The following SGCZ variants were observed in gnomAD, a reference collection of about 807,000 sequenced individuals.
SGCZ encodes the protein zeta-sarcoglycan.
A neutral mutation model predicts 41.3 loss-of-function variants in SGCZ; 40 were observed. The ratio of observed to expected loss-of-function variants is 0.97; its 90% CI spans 0.75 to 1.26. The LOEUF is 1.26. SGCZ is among the 50% of genes most tolerant of loss of function. The pLI is 0.00. For missense variants in SGCZ, 552 were observed against 369.8 expected (o/e 1.49, Z -4.04); for synonymous variants, 206 against 137.5 (o/e 1.50, Z -3.49).
chr8:14,945,808 G>A (rs1800424050), intron 1 of SGCZ, among the ~76,000 whole-genome samples: 1 of 150,782 alleles, frequency 6.6e-6, no homozygotes, highest in Admixed American at 6.6e-5. Flanking sequence ...TTTGGACTCA[G>A]GAACTAACAC....
At chr8:14,980,471 C>T (rs577597739) in intron 1 of SGCZ, among the ~76,000 whole-genome samples, 3 of 152,180 alleles carry the variant, frequency 2.0e-5, no homozygotes, top group South Asian at 4.2e-4. Flanking sequence ...TCTGTTTTCA[C>T]GTTGCTGATG....
chr8:14,764,574 A>G (rs1799985840), intron 1 of SGCZ, among the ~76,000 whole-genome samples: 1 of 152,198 alleles, frequency 6.6e-6, no homozygotes, highest in South Asian at 2.1e-4. Context: ...CAAACGTGAG[A>G]TATTTTACAA....
At chr8:14,263,767 A>C (rs1799763256) in intron 3 of SGCZ, among the ~76,000 whole-genome samples, 1 of 152,114 alleles carries the variant, frequency 6.6e-6, no homozygotes, top group African/African-American at 2.4e-5. Flanking sequence ...AAAAACAAAA[A>C]AAGATGCAAT....
chr8:14,451,922 T>C (rs1351132116), intron 2 of SGCZ, among the ~76,000 whole-genome samples: 2 of 152,216 alleles, frequency 1.3e-5, no homozygotes, highest in Non-Finnish European at 2.9e-5. Flanking sequence ...GGTAGTTTAA[T>C]AGTTTCTTAC....
intron 1 of SGCZ, among the ~76,000 whole-genome samples, chr8:14,961,281 C>G (rs1245831717): frequency 6.6e-6 from 1 of 152,080 alleles, no homozygotes. Context: ...AAATGGACTG[C>G]CTACTGACCT....
chr8:14,363,961 G>T (rs544036935), intron 2 of SGCZ, among the ~76,000 whole-genome samples: 1 of 151,962 alleles, frequency 6.6e-6, no homozygotes, highest in Non-Finnish European at 1.5e-5. Flanking sequence ...CAAATTGAGT[G>T]CAGAAGTAAC....
intron 1 of SGCZ, among the ~76,000 whole-genome samples, chr8:15,018,393 C>G (rs940120162): frequency 1.3e-5 from 2 of 152,078 alleles, no homozygotes; most frequent in African/African-American, 4.8e-5. Flanking sequence ...AGGGAGTAAT[C>G]AGTATTACAG....
intron 2 of SGCZ, among the ~76,000 whole-genome samples, chr8:14,389,232 G>A (rs188060286): frequency 1.4e-4 from 21 of 151,876 alleles, no homozygotes; most frequent in Admixed American, 3.9e-4. Context: ...AAATGAAAAG[G>A]CAAAACGACT....
At chr8:14,190,186 G>A (rs961573869) in intron 4 of SGCZ, among the ~76,000 whole-genome samples, 3 of 150,972 alleles carry the variant, frequency 2.0e-5, no homozygotes. Flanking sequence ...CTAATTCTTT[G>A]TATTTTTAGT....
chr8:14,343,446 G>T (rs1309808860), intron 2 of SGCZ, among the ~76,000 whole-genome samples: 1 of 152,142 alleles, frequency 6.6e-6, no homozygotes, highest in Non-Finnish European at 1.5e-5. Flanking sequence ...CTAAGATCCT[G>T]GGAAAAAGAG....
chr8:14,555,013 G>A (rs1246607818), intron 1 of SGCZ, 87 bp from the exon 2 acceptor site: 1 of 1,220,468 alleles, frequency 8.2e-7, no homozygotes, highest in Non-Finnish European at 1.1e-6. Context: ...TGAAACAAAA[G>A]AACAATGTAC....
chr8:15,221,894 A>G (rs1376050225), intron 1 of SGCZ, among the ~76,000 whole-genome samples: 1 of 152,182 alleles, frequency 6.6e-6, no homozygotes, highest in Non-Finnish European at 1.5e-5. Context: ...ACCATGTGGA[A>G]CACTCTGCAG....
chr8:14,749,136 C>T (rs112796110), intron 1 of SGCZ, among the ~76,000 whole-genome samples: 103 of 152,124 alleles, frequency 6.8e-4, no homozygotes, highest in African/African-American at 2.0e-3. Context: ...CAAAAAAATG[C>T]TCATCCCATA....
intron 7 of SGCZ, among the ~76,000 whole-genome samples, chr8:14,102,086 A>T (rs28625880): frequency 1.9e-3 from 188 of 98,100 alleles, no homozygotes; most frequent in Non-Finnish European, 2.7e-3. Context: ...TTATATATAT[A>T]TATATATATA....
At chr8:14,924,855 C>CTT (rs35271116) in intron 1 of SGCZ, among the ~76,000 whole-genome samples, 23 of 108,654 alleles carry the variant, frequency 2.1e-4, no homozygotes, top group South Asian at 6.1e-4. Context: ...GAATTTAAGA[C>CTT]TTTTTTTTTT....
At chr8:15,034,928 A>T (rs1257299234) in intron 1 of SGCZ, among the ~76,000 whole-genome samples, 1 of 152,196 alleles carries the variant, frequency 6.6e-6, no homozygotes, top group South Asian at 2.1e-4. Flanking sequence ...ATTCAGTACC[A>T]TCGGACTTGT....
chr8:14,109,487 CTTGCT>C (rs1802309961), intron 5 of SGCZ, among the ~76,000 whole-genome samples: 1 of 152,070 alleles, frequency 6.6e-6, no homozygotes, highest in Admixed American at 6.6e-5. Flanking sequence ...CTTCAAAGTT[CTTGCT>C]TTAAGAACCT....
intron 1 of SGCZ, among the ~76,000 whole-genome samples, chr8:14,720,303 G>T (rs750453797): frequency 1.3e-5 from 2 of 151,940 alleles, no homozygotes; most frequent in East Asian, 3.9e-4. Context: ...TTTCTAACTT[G>T]ATAAAACTTA....
chr8:14,519,764 G>T (rs544726643), intron 2 of SGCZ, among the ~76,000 whole-genome samples: 33 of 151,966 alleles, frequency 2.2e-4, no homozygotes, highest in Non-Finnish European at 1.3e-4. Context: ...ATTGGTTTTT[G>T]TTGAAAGTAA....
Sources: gnomAD v4.1 joint callset for allele counts (sites outside exome capture counted in the v4.1 genomes callset) on GRCh38, gnomAD v4.1.1 for gene constraint, MANE v1.5 for transcripts, NCBI Gene and HGNC (gene_info 2026-07-23, HGNC 2026-07-21) for gene names.